The following MRPS6 variants were observed in gnomAD, a reference collection of about 807,000 sequenced individuals.
MRPS6 encodes small ribosomal subunit protein bS6m.
Under a neutral mutation model 13.1 loss-of-function variants are expected in MRPS6, and 6 were observed. The ratio of observed to expected loss-of-function variants is 0.46; its 90% confidence interval spans 0.25 to 0.91. The LOEUF is 0.91. Among genes scored for constraint, MRPS6 ranks in the 40% least tolerant of loss-of-function variants. The pLI, the probability that MRPS6 is intolerant of heterozygous loss-of-function variation, is 0.18. For synonymous variants in MRPS6, 61 were observed against 56.5 expected (o/e 1.08, Z -0.36); for missense variants, 164 against 155.6 (o/e 1.05, Z -0.29).
chr21:34,114,259 G>A (rs1374766015), intron 1 of MRPS6, among the ~76,000 whole-genome samples: 1 of 152,210 alleles, frequency 6.6e-6, no homozygotes, highest in African/African-American at 2.4e-5. Context: ...ACCACAAATA[G>A]TCACCCACTG....
chr21:34,125,524 C>T, intron 2 of MRPS6, 44 bp downstream of exon 2: 1 of 1,608,068 alleles, frequency 6.2e-7, no homozygotes, highest in Non-Finnish European at 8.5e-7. Context: ...TTGATAGGCT[C>T]AGTAAAGAGT....
At chr21:34,103,681 C>CA (rs1321465468) in intron 1 of MRPS6, 1 of 1,000,024 alleles carries the variant, frequency 1.0e-6, no homozygotes, top group Non-Finnish European at 1.2e-6. Context: ...GTATTTGTCT[C>CA]AGAGTTGCTA....
At chr21:34,101,332 C>G in intron 1 of MRPS6, 4 of 1,000,116 alleles carry the variant, frequency 4.0e-6, no homozygotes, top group Non-Finnish European at 4.8e-6. Flanking sequence ...GCTTTTTAAA[C>G]CCTGGTTTGA....
At chr21:34,091,620 A>G (rs1382530293) in intron 1 of MRPS6, among the ~76,000 whole-genome samples, 1 of 152,062 alleles carries the variant, frequency 6.6e-6, no homozygotes. Flanking sequence ...ATTTGGATTA[A>G]TTCTTCAGTT....
At chr21:34,126,158 G>T (rs1384890569) in intron 2 of MRPS6, among the ~76,000 whole-genome samples, 1 of 151,834 alleles carries the variant, frequency 6.6e-6, no homozygotes, top group East Asian at 1.9e-4. Flanking sequence ...AAGAGTAGAA[G>T]AGTCAGCTCT....
chr21:34,102,500 G>A, intron 1 of MRPS6: 1 of 1,000,114 alleles, frequency 1.0e-6, no homozygotes, highest in Non-Finnish European at 1.2e-6. Context: ...CTTTCACTCA[G>A]AAATAAACAA....
intron 1 of MRPS6, among the ~76,000 whole-genome samples, chr21:34,083,996 G>T (rs1989516164): frequency 6.6e-6 from 1 of 152,150 alleles, no homozygotes; most frequent in Non-Finnish European, 1.5e-5. Context: ...AATGCAAGAG[G>T]AAAATCCAGC....
chr21:34,141,190 G>C (rs950485248), intron 2 of MRPS6, among the ~76,000 whole-genome samples: 1 of 152,164 alleles, frequency 6.6e-6, no homozygotes, highest in East Asian at 1.9e-4. Context: ...TCTCTATTCG[G>C]AGTGCTAGGG....
chr21:34,120,087 C>T (rs1222386051), intron 1 of MRPS6, among the ~76,000 whole-genome samples: 1 of 152,198 alleles, frequency 6.6e-6, no homozygotes, highest in Non-Finnish European at 1.5e-5. Flanking sequence ...TGAATCTAGT[C>T]AGCAGCATTA....
intron 1 of MRPS6, among the ~76,000 whole-genome samples, chr21:34,081,302 C>T (rs554457006): frequency 2.2e-4 from 33 of 152,250 alleles, no homozygotes; most frequent in African/African-American, 7.7e-4. Context: ...ATTCCATTCT[C>T]CAAGTGCTTG....
intron 2 of MRPS6, among the ~76,000 whole-genome samples, chr21:34,141,415 T>G (rs1354733809): frequency 6.6e-6 from 1 of 152,070 alleles, no homozygotes; most frequent in African/African-American, 2.4e-5. Context: ...GGGTGACATT[T>G]GGACAGAGAC....
intron 1 of MRPS6, chr21:34,104,677 T>A: frequency 1.0e-6 from 1 of 1,000,252 alleles, no homozygotes; most frequent in Non-Finnish European, 1.2e-6. Context: ...TATTTGAGAA[T>A]ATCAAACCTC....
intron 1 of MRPS6, chr21:34,101,661 A>C: frequency 1.0e-6 from 1 of 1,000,194 alleles, no homozygotes; most frequent in Non-Finnish European, 1.2e-6. Flanking sequence ...AGTTCACTTT[A>C]AGGCATATTG....
intron 1 of MRPS6, chr21:34,102,564 G>T: frequency 1.0e-6 from 1 of 999,940 alleles, no homozygotes; most frequent in South Asian, 4.7e-5. Flanking sequence ...TACTTTTTGG[G>T]CAGTACCATA....
chr21:34,140,303 G>A (rs185996304), intron 2 of MRPS6, among the ~76,000 whole-genome samples: 140 of 151,454 alleles, frequency 9.2e-4, no homozygotes, highest in African/African-American at 2.8e-3. Flanking sequence ...CCCAAATTTT[G>A]ATTTGTAGCA....
intron 2 of MRPS6, among the ~76,000 whole-genome samples, chr21:34,134,059 AGGGTTGC>A (rs1355350822): frequency 2.0e-5 from 3 of 152,220 alleles, no homozygotes; most frequent in Non-Finnish European, 4.4e-5. Flanking sequence ...TAAAAGGCTG[AGGGTTGC>A]AAGGAGGTGG....
intron 1 of MRPS6, among the ~76,000 whole-genome samples, chr21:34,119,031 C>G (rs1311281580): frequency 2.0e-5 from 3 of 152,036 alleles, no homozygotes; most frequent in African/African-American, 7.2e-5. Flanking sequence ...TCTTAGTGTT[C>G]TAGACTTGTC....
Position 34,142,765 on chromosome 21 carries a change from G to A in MRPS6, c.*165G>A. The A allele has an allele frequency of 1.4e-6, 1 of 702,412 alleles. No individual in the cohort carries two copies. Among genetic ancestry groups the A allele is most frequent in the South Asian group, 3.0e-5 (1 of 33,406 alleles). The allele number at this position is 702,412 out of a possible 1,614,324, so 43.5% of individuals were successfully genotyped here. On this transcript the variant is annotated 3_prime_UTR_variant, in exon 3 of 3. Transcript: ENST00000399312. Reference sequence around the variant, plus strand: ...CCTTGATCCCCTTTGCTTGCGAGAGGTGGGGAACTGCTCACTGACAGCTTC... The same window carrying A: ...CCTTGATCCCCTTTGCTTGCGAGAGATGGGGAACTGCTCACTGACAGCTTC...
At chr21:34,116,526 T>C (rs1013449928) in intron 1 of MRPS6, among the ~76,000 whole-genome samples, 5 of 152,086 alleles carry the variant, frequency 3.3e-5, no homozygotes, top group East Asian at 1.9e-4. Context: ...AATAACTTTA[T>C]GATGAGCATT....
Sources: gnomAD v4.1 joint callset for allele counts (sites outside exome capture counted in the v4.1 genomes callset) on GRCh38, gnomAD v4.1.1 for gene constraint, MANE v1.5 for transcripts, NCBI Gene and HGNC (gene_info 2026-07-23, HGNC 2026-07-21) for gene names.